The following ERG variants were observed in gnomAD, a reference collection of about 807,000 sequenced individuals.
ERG encodes the protein ETS transcription factor ERG.
Under a neutral mutation model 55.3 loss-of-function variants are expected in ERG, and 9 were observed. That is an observed-to-expected ratio of 0.16 (90% CI 0.10 to 0.28). ERG has a LOEUF of 0.28. ERG is among the 10% of genes least tolerant of loss of function. The pLI, the probability that ERG is intolerant of heterozygous loss-of-function variation, is 1.00. For synonymous variants in ERG, 223 were observed against 237.3 expected, an observed-to-expected ratio of 0.94 and a Z score of 0.55; for missense variants, 434 against 631.6, an observed-to-expected ratio of 0.69 and a Z score of 3.35.
At chr21:38,476,261 G>A (rs898760601) in intron 1 of ERG, among the ~76,000 whole-genome samples, 5 of 152,140 alleles carry the variant, frequency 3.3e-5, no homozygotes, top group African/African-American at 7.2e-5. Context: ...CCTAAGTGTC[G>A]CTGTGTATTA....
At chr21:38,634,862 A>G (rs968712396) in intron 1 of ERG, among the ~76,000 whole-genome samples, 7 of 152,220 alleles carry the variant, frequency 4.6e-5, no homozygotes, top group African/African-American at 1.7e-4. Flanking sequence ...AAGCTTTGAA[A>G]AGAACATGAA....
At chr21:38,422,116 G>A (rs1989571087) in intron 3 of ERG, among the ~76,000 whole-genome samples, 1 of 152,258 alleles carries the variant, frequency 6.6e-6, no homozygotes, top group African/African-American at 2.4e-5. Context: ...GTCACAGGTG[G>A]AGACGAGAGC....
At chr21:38,391,093 A>G (rs1987947745) in intron 8 of ERG, 51 bp from the exon 9 acceptor site, 1 of 1,454,274 alleles carries the variant, frequency 6.9e-7, no homozygotes, top group East Asian at 2.3e-5. Context: ...GTAACATAGT[A>G]TGATGTGACT....
intron 2 of ERG, among the ~76,000 whole-genome samples, chr21:38,518,278 ATCT>A (rs2059568069): frequency 6.6e-6 from 1 of 151,530 alleles, no homozygotes; most frequent in African/African-American, 2.4e-5. Context: ...CTATCTATCT[ATCT>A]ATCTATCTAT....
At chr21:38,551,034 G>A (rs763693366) in intron 2 of ERG, among the ~76,000 whole-genome samples, 2 of 152,094 alleles carry the variant, frequency 1.3e-5, no homozygotes, top group Non-Finnish European at 2.9e-5. Context: ...ATCATTTATT[G>A]AGGAAAAATA....
At chr21:38,652,570 C>T (rs980152859) in intron 1 of ERG, among the ~76,000 whole-genome samples, 2 of 152,200 alleles carry the variant, frequency 1.3e-5, no homozygotes, top group Non-Finnish European at 1.5e-5. Flanking sequence ...CAGGGTCTCA[C>T]ATATCTGCTG....
chr21:38,517,301 T>C (rs2059559346), intron 2 of ERG, among the ~76,000 whole-genome samples: 1 of 151,356 alleles, frequency 6.6e-6, no homozygotes, highest in Non-Finnish European at 1.5e-5. Context: ...GCAAAGAACG[T>C]CAATAGACAT....
At chr21:38,388,212 G>A (rs1987794213) in intron 9 of ERG, among the ~76,000 whole-genome samples, 1 of 152,234 alleles carries the variant, frequency 6.6e-6, no homozygotes, top group Non-Finnish European at 1.5e-5. Flanking sequence ...TCTTTCATTA[G>A]AGGAACCATG....
chr21:38,386,348 G>T (rs1987691524), intron 9 of ERG, among the ~76,000 whole-genome samples: 1 of 152,208 alleles, frequency 6.6e-6, no homozygotes, highest in African/African-American at 2.4e-5. Context: ...GAATGTTTAA[G>T]TAAATGGTAG....
intron 4 of ERG, 74 bp downstream of exon 4, chr21:38,403,432 G>T (rs1988604124): frequency 6.8e-7 from 1 of 1,465,530 alleles, no homozygotes; most frequent in Non-Finnish European, 9.5e-7. Flanking sequence ...GACACACCTG[G>T]TTGAACCCTC....
chr21:38,371,091 A>T, the ERG span, among the ~76,000 whole-genome samples: 5 of 152,182 alleles, frequency 3.3e-5, no homozygotes, highest in Non-Finnish European at 7.4e-5. Flanking sequence ...AATGTTTTTA[A>T]ATGAAGGTTT....
chr21:38,621,993 C>CA (rs2060293411), intron 1 of ERG, among the ~76,000 whole-genome samples: 1 of 152,220 alleles, frequency 6.6e-6, no homozygotes, highest in African/African-American at 2.4e-5. Flanking sequence ...CGCAGCTGCT[C>CA]AGGAAGGCAG....
intron 2 of ERG, among the ~76,000 whole-genome samples, chr21:38,566,581 G>C (rs139679353): frequency 6.6e-6 from 1 of 152,322 alleles, no homozygotes; most frequent in East Asian, 1.9e-4. Context: ...ACACCAAATA[G>C]TGGAGCCGAA....
upstream of ERG, among the ~76,000 whole-genome samples, chr21:38,585,646 T>C (rs1601280396): frequency 6.7e-6 from 1 of 148,718 alleles, no homozygotes; most frequent in African/African-American, 2.5e-5. Flanking sequence ...ACATGAGAAA[T>C]TGTAAATGGC....
intron 1 of ERG, among the ~76,000 whole-genome samples, chr21:38,464,100 A>G (rs2059067633): frequency 6.6e-6 from 1 of 152,158 alleles, no homozygotes; most frequent in Non-Finnish European, 1.5e-5. Context: ...GAAATAATTC[A>G]GAACTTATTA....
At chr21:38,656,589 T>C (rs963921988) in intron 1 of ERG, among the ~76,000 whole-genome samples, 2 of 152,068 alleles carry the variant, frequency 1.3e-5, no homozygotes, top group Non-Finnish European at 2.9e-5. Flanking sequence ...TTAAGTACTT[T>C]AGTGAGCCCC....
At chr21:38,575,212 C>T (rs905767458) in intron 2 of ERG, among the ~76,000 whole-genome samples, 1 of 152,160 alleles carries the variant, frequency 6.6e-6, no homozygotes, top group Admixed American at 6.5e-5. Context: ...CTCCTGCTCG[C>T]TAACCCCAGG....
intron 2 of ERG, among the ~76,000 whole-genome samples, chr21:38,514,151 CAAAAATAA>C (rs924295080): frequency 6.7e-6 from 1 of 150,014 alleles, no homozygotes; most frequent in Non-Finnish European, 1.5e-5. Flanking sequence ...AGGACAACTC[CAAAAATAA>C]AAAAATAAAA....
intron 3 of ERG, among the ~76,000 whole-genome samples, chr21:38,410,365 A>G (rs575116545): frequency 1.3e-5 from 2 of 152,352 alleles, no homozygotes; most frequent in East Asian, 3.9e-4. Context: ...TCTACATGTC[A>G]TGGACACCAA....
Sources: gnomAD v4.1 joint callset for allele counts (sites outside exome capture counted in the v4.1 genomes callset) on GRCh38, gnomAD v4.1.1 for gene constraint, MANE v1.5 for transcripts, NCBI Gene and HGNC (gene_info 2026-07-23, HGNC 2026-07-21) for gene names.